The following B3GNT4 variants were observed in gnomAD, a reference collection of about 807,000 sequenced individuals.
B3GNT4 encodes N-acetyllactosaminide beta-1,3-N-acetylglucosaminyltransferase 4.
B3GNT4 carries 2 observed loss-of-function variants against 2.7 expected under a neutral mutation model. The observed-to-expected ratio is 0.73, with a 90% CI of 0.30 to 2.31. The LOEUF (loss-of-function observed/expected upper bound fraction) is 2.31. B3GNT4 is among the 30% of genes most tolerant of loss of function. The pLI is 0.12. For missense variants in B3GNT4, 708 were observed against 490.9 expected (o/e 1.44, Z -4.18); for synonymous variants, 280 against 203.4 (o/e 1.38, Z -3.20).
intron 2 of B3GNT4, chr12:122,205,824 T>A (rs1415258954): frequency 6.5e-6 from 1 of 153,884 alleles, no homozygotes; most frequent in Non-Finnish European, 1.4e-5. Context: ...TGGTGCTGGT[T>A]CTCCTCCGAG....
rs763641781 is a variant in B3GNT4 at position 122,207,859 on chromosome 12, C to T, written c.*471C>T. On this transcript the variant is annotated 3_prime_UTR_variant, in exon 3 of 3. Transcript: ENST00000324189. ...TCTTAGTAGTAATAGGTTTTTCACT[C>T]CTTGGCCTCAGCTGTCCTCACAGGA... 6.9e-5 allele frequency: 32 copies of T among 460,730 alleles called. No individual in the cohort carries two copies. The highest frequency in any genetic ancestry group is 1.3e-4 in the Non-Finnish European group (30 of 231,422). 28.5% of individuals were successfully genotyped at this position (460,730 alleles called of 1,614,324 possible).
Position 122,208,396 on chromosome 12 carries a change from G to T in B3GNT4, c.*1008G>T. The stretch of plus-strand genomic sequence containing the variant: ...GCTCAGGCCCTCAATCCTCACGCAG[G>T]TAGGCCTCCTGCTCCGACTCAGCCC... On this transcript the variant is annotated 3_prime_UTR_variant, in exon 3 of 3. Transcript: ENST00000324189. 1 of 1,612,552 alleles carries T rather than the reference G, an allele frequency of 6.2e-7. No individual in the cohort carries two copies. The highest frequency in any genetic ancestry group is 1.1e-5 in the South Asian group (1 of 91,024).
Position 122,208,097 on chromosome 12 carries a change from CAA to C in B3GNT4, c.*712_*713del. 1.6e-6 allele frequency: 1 copy of C among 633,038 alleles called. No homozygotes were observed. Among genetic ancestry groups the C allele is most frequent in the Non-Finnish European group, 2.9e-6 (1 of 342,094 alleles). The allele number at this position is 633,038 out of a possible 1,614,324, so 39.2% of individuals were successfully genotyped here. ...GACTCCTCTCTCTGACCCAGGTAGG[CAA>C]AATGCTTTGGGTGTGAGGTAAAAAA... On this transcript the variant is annotated 3_prime_UTR_variant, in exon 3 of 3. Transcript: ENST00000324189.
Position 122,207,088 on chromosome 12 carries a change from A to T in B3GNT4, c.837A>T (p.Gly279=). The T allele has an allele frequency of 1.9e-6, 3 of 1,613,948 alleles. No individual in the cohort carries two copies. The highest frequency in any genetic ancestry group is 1.7e-6 in the Non-Finnish European group (2 of 1,179,952). ...ACTACCCACCCTATGCTGGTGGGGG[A>T]GGATATGTCATGTCCAGAGCCACAG... is the stretch of plus-strand genomic sequence containing the variant. The part of the protein sequence containing the change: ...ATHYPPYAGG[G]GYVMSRATVR... The change falls in exon 3 of 3, where the codon GGA becomes GGT. Residue 279 remains glycine (G), a synonymous_variant. Coordinates refer to ENST00000324189, the MANE Select transcript of B3GNT4 (RefSeq NM_030765.4).
chr12:122,206,969 G>C lies in B3GNT4; in HGVS notation c.718G>C (p.Asp240His). ...EFLDGWDPAQ[D>H]LLVGDVIRQA... ...CCTGGATGGCTGGGACCCAGCCCAG[G>C]ACCTCCTGGTGGGAGATGTCATCCG... The change falls in exon 3 of 3, where the codon GAC (aspartate) becomes CAC (histidine). Residue 240 changes from aspartate (D) to histidine (H), a missense_variant. Transcript: ENST00000324189. The C allele has an allele frequency of 6.2e-7, 1 of 1,614,034 alleles. No homozygotes were observed. Among genetic ancestry groups the C allele is most frequent in the Non-Finnish European group, 8.5e-7 (1 of 1,179,968 alleles).
intron 1 of B3GNT4, among the ~76,000 whole-genome samples, chr12:122,204,172 T>C (rs1263294545): frequency 6.6e-6 from 1 of 151,766 alleles, no homozygotes; most frequent in Non-Finnish European, 1.5e-5. Context: ...GTTGAAAGAA[T>C]GAACCAGAGT....
At position 122,207,095 on chromosome 12, in the gene B3GNT4, G is replaced by T; in HGVS notation, c.844G>T (p.Val282Phe). 6.2e-7 allele frequency: 1 copy of T among 1,614,122 alleles called. No homozygotes were observed. Among genetic ancestry groups the T allele is most frequent in the Non-Finnish European group, 8.5e-7 (1 of 1,180,012 alleles). Reference sequence around the variant, plus strand: ...ACCCTATGCTGGTGGGGGAGGATATGTCATGTCCAGAGCCACAGTGCGGCG... The same window carrying T: ...ACCCTATGCTGGTGGGGGAGGATATTTCATGTCCAGAGCCACAGTGCGGCG... ...YPPYAGGGGY[V>F]MSRATVRRLQ... Residue 282 changes from valine to phenylalanine, a missense_variant, in exon 3 of 3, where the codon GTC becomes TTC. Transcript: ENST00000324189.
chr12:122,204,699 C>T lies in B3GNT4; in HGVS notation c.66+15C>T. ...TTTTACCAAAGGTCAGATTCTTTCACCGCCTCTGCCAGACCCCCTTGTCCC... is the reference window on the plus strand; with the variant it reads ...TTTTACCAAAGGTCAGATTCTTTCATCGCCTCTGCCAGACCCCCTTGTCCC... On this transcript the variant is annotated intron_variant, in intron 2 of 2. Transcript: ENST00000324189. 1 of 1,595,230 alleles carries T rather than the reference C, an allele frequency of 6.3e-7. No individual in the cohort carries two copies. Among genetic ancestry groups the T allele is most frequent in the Non-Finnish European group, 8.6e-7 (1 of 1,164,014 alleles).
chr12:122,208,161 G>GT lies in B3GNT4; in HGVS notation c.*775dup. The GT allele has an allele frequency of 1.4e-6, 1 of 700,178 alleles. No homozygotes were observed. The highest frequency in any genetic ancestry group is 3.7e-4 in the Middle Eastern group (1 of 2,722). The allele number at this position is 700,178 out of a possible 1,614,324, so 43.4% of individuals were successfully genotyped here. ...GCAGCTGTACAGAGTGGGGTGAAAT[G>GT]TTAAACAGGGTGCAGTGCCCAAGGG... On this transcript the variant is annotated 3_prime_UTR_variant, in exon 3 of 3. Transcript: ENST00000324189.
rs897573945 is a variant in B3GNT4 at position 122,206,873 on chromosome 12, T to C, written c.622T>C (p.Cys208Arg). The C allele has an allele frequency of 1.1e-5, 18 of 1,613,782 alleles. No individual in the cohort carries two copies. Among genetic ancestry groups the C allele is most frequent in the Non-Finnish European group, 1.4e-5 (16 of 1,180,036 alleles). The change falls in exon 3 of 3, where the codon TGC (cysteine) becomes CGC (arginine). Residue 208 changes from cysteine to arginine, a missense_variant. Coordinates refer to ENST00000324189, the MANE Select transcript of B3GNT4 (RefSeq NM_030765.4). Reference sequence around the variant, plus strand: ...CCTGCAGCGCTGGGTGGTGGCTGCCTGCCCCCAGGCCCATTTCATGCTAAA... The same window carrying C: ...CCTGCAGCGCTGGGTGGTGGCTGCCCGCCCCCAGGCCCATTTCATGCTAAA... ...LHLQRWVVAACPQAHFMLKGD... is the reference protein window; with the variant it reads ...LHLQRWVVAARPQAHFMLKGD...
chr12:122,204,386 A>G (rs1426069388), intron 1 of B3GNT4, 136 bp from the exon 2 acceptor site: 4 of 414,752 alleles, frequency 9.6e-6, no homozygotes, highest in Non-Finnish European at 1.7e-5. Flanking sequence ...GCGCCTGGGG[A>G]CGCCCGCGGC....
Position 122,206,397 on chromosome 12 carries a change from T to G in B3GNT4, c.146T>G (p.Leu49Arg), listed in dbSNP as rs1566016379. ...CTGTTGCTCGGCTGCCTGCTCTTCC[T>G]GAGGAAGGCGGCCAAGCCCGCAGGA... ...AVLLLGCLLF[L>R]RKAAKPAGDP... Residue 49 changes from leucine (L) to arginine (R), a missense_variant, in exon 3 of 3, where the codon CTG becomes CGG. Leu to Arg is a moderately radical substitution (Grantham distance 102). Coordinates refer to ENST00000324189, the MANE Select transcript of B3GNT4 (RefSeq NM_030765.4). 5 of 1,613,068 alleles carry G rather than the reference T, an allele frequency of 3.1e-6. No individual in the cohort carries two copies. The Admixed American group carries it at 8.3e-5, about 27-fold the overall frequency.
Position 122,204,866 on chromosome 12 carries a change from A to C in B3GNT4, c.66+182A>C, listed in dbSNP as rs1412699850. On this transcript the variant is annotated intron_variant, in intron 2 of 2. Transcript: ENST00000324189. ...ACCAGCCCAGGCAACAAAAGATACC[A>C]CATCTCTACAAAAAATAAATTAGCC... The C allele has an allele frequency of 1.7e-5, 10 of 584,280 alleles. 1 individual carries two copies. The highest frequency in any genetic ancestry group is 3.0e-5 in the Non-Finnish European group (10 of 328,478). The allele number at this position is 584,280 out of a possible 1,614,324, so 36.2% of individuals were successfully genotyped here. A position where few individuals can be genotyped will look rare whatever the true frequency, so the allele number is the denominator to read the frequency against.
chr12:122,207,011 AG>A lies in B3GNT4; in HGVS notation c.762del (p.Asn255ThrfsTer58), dbSNP rs1207244409. ...TGTCATCCGCCAAGCCCTGCCCAAC[AG>A]GAACACTAAGGTCAAATACTTCATC... ...GDVIRQALPN[R>X]NTKVKYFIPP... On this transcript the variant is annotated frameshift_variant, in exon 3 of 3. Coordinates refer to ENST00000324189, the MANE Select transcript of B3GNT4 (RefSeq NM_030765.4). LOFTEE classifies it low-confidence loss of function (END_TRUNC). 2 of 1,613,976 alleles carry A rather than the reference AG, an allele frequency of 1.2e-6. No homozygotes were observed. The highest frequency in any genetic ancestry group is 1.7e-6 in the Non-Finnish European group (2 of 1,179,962).
In B3GNT4 at chr12:122,204,613, C is replaced by A. The variant is rs1300208070; in HGVS notation, c.-6C>A. On this transcript the variant is annotated 5_prime_UTR_variant, in exon 2 of 3. Coordinates refer to ENST00000324189, the MANE Select transcript of B3GNT4 (RefSeq NM_030765.4). ...TGAGCACGGAGACAGTCTCCAGCTGCCGTTCATGCTTCCTCCCCAGCCTTC... is the reference window on the plus strand; with the variant it reads ...TGAGCACGGAGACAGTCTCCAGCTGACGTTCATGCTTCCTCCCCAGCCTTC... 1 of 1,608,182 alleles carries A rather than the reference C, an allele frequency of 6.2e-7. No individual in the cohort carries two copies.
chr12:122,206,728 A>C lies in B3GNT4; in HGVS notation c.477A>C (p.Leu159=). 6.2e-7 allele frequency: 1 copy of C among 1,607,776 alleles called. No homozygotes were observed. Among genetic ancestry groups the C allele is most frequent in the Non-Finnish European group, 8.5e-7 (1 of 1,176,388 alleles). ...RGRQLKLVFL[L]GVAGSAPPAQ... ...GGCAGCTGAAGCTGGTGTTCCTCCTAGGGGTGGCAGGATCCGCTCCCCCAG... is the reference window on the plus strand; with the variant it reads ...GGCAGCTGAAGCTGGTGTTCCTCCTCGGGGTGGCAGGATCCGCTCCCCCAG... The change falls in exon 3 of 3, where the codon CTA becomes CTC. Residue 159 remains leucine (L), a synonymous_variant. Transcript: ENST00000324189.
In B3GNT4 at chr12:122,206,556, G is replaced by A; in HGVS notation, c.305G>A (p.Cys102Tyr). The change falls in exon 3 of 3, where the codon TGC (cysteine) becomes TAC (tyrosine). Residue 102 changes from cysteine (C) to tyrosine (Y), a missense_variant. By Grantham distance (194) the Cys-to-Tyr change is radical (BLOSUM62 -2). Coordinates refer to ENST00000324189, the MANE Select transcript of B3GNT4 (RefSeq NM_030765.4). ...CGTCTCTTCTTGACCTATCGTCACT[G>A]CCGAAATTTCTCTATCTTGCTGGAG... ...RHRLFLTYRH[C>Y]RNFSILLEPS... The A allele has an allele frequency of 1.9e-6, 3 of 1,614,194 alleles. No individual in the cohort carries two copies. Among genetic ancestry groups the A allele is most frequent in the Non-Finnish European group, 2.5e-6 (3 of 1,180,040 alleles).
At position 122,207,604 on chromosome 12, in the gene B3GNT4, G is replaced by A; in HGVS notation, c.*216G>A. The A allele has an allele frequency of 1.6e-6, 1 of 636,746 alleles. No homozygotes were observed. The highest frequency in any genetic ancestry group is 2.7e-6 in the Non-Finnish European group (1 of 365,608). The allele number at this position is 636,746 out of a possible 1,614,324, so 39.4% of individuals were successfully genotyped here. A position where few individuals can be genotyped will look rare whatever the true frequency, so the allele number is the denominator to read the frequency against. On this transcript the variant is annotated 3_prime_UTR_variant, in exon 3 of 3. Transcript: ENST00000324189. ...GCAAATGCTGCCAGGAACCTGTCGG[G>A]GCATTCCGGGCGCTGCCTGGGGCGC...
intron 2 of B3GNT4, chr12:122,206,068 A>G: frequency 4.5e-6 from 2 of 447,588 alleles, no homozygotes; most frequent in Non-Finnish European, 3.9e-6. Context: ...AGTGGCTGCA[A>G]GTCCTTTTGG....
Sources: gnomAD v4.1 joint callset for allele counts (sites outside exome capture counted in the v4.1 genomes callset) on GRCh38, gnomAD v4.1.1 for gene constraint, MANE v1.5 for transcripts, NCBI Gene and HGNC (gene_info 2026-07-23, HGNC 2026-07-21) for gene names.